Variants in UNC13B observed in about 807,000 individuals in gnomAD.
The protein encoded by UNC13B is unc-13 homolog B.
In UNC13B, 144 loss-of-function variants were observed where a neutral mutation model predicts 211.0. That is an observed-to-expected ratio of 0.68 (90% CI 0.60 to 0.78). The LOEUF is 0.78. Ranked by LOEUF, UNC13B falls within the 30% of genes least tolerant of loss-of-function variation. The probability of loss-of-function intolerance (pLI) is 0.00; values close to 1 mark genes in which losing one functional copy is unlikely to be tolerated. For synonymous variants in UNC13B, 709 were observed against 725.8 expected, an observed-to-expected ratio of 0.98 and a Z score of 0.37; for missense variants, 1,777 against 2,002.0, an observed-to-expected ratio of 0.89 and a Z score of 2.14.
Position 35,309,660 on chromosome 9 carries a change from A to G in UNC13B, c.9009-807A>G, listed in dbSNP as rs149844417. ...GGATATGGGAATACAGGTGATTGAG[A>G]AAAGATTGGCTTGCTGGTCTTCAGA... On this transcript the variant is annotated intron_variant, in intron 9 of 39. Coordinates refer to ENST00000635942, the MANE Select transcript of UNC13B (RefSeq NM_001371189.2). 4.7e-3 allele frequency among the ~76,000 whole-genome samples: 716 copies of G among 152,276 alleles called. 5 individuals are homozygous for G. The highest frequency in any genetic ancestry group is 0.016 in the South Asian group (76 of 4,826).
At chr9:35,238,567 T>C (rs1825639820) in intron 5 of UNC13B, among the ~76,000 whole-genome samples, 2 of 151,590 alleles carry the variant, frequency 1.3e-5, no homozygotes, top group Non-Finnish European at 2.9e-5. Context: ...TTTTTTTTTT[T>C]CCTTTTTTTG....
chr9:35,335,835 C>T (rs1020338447), intron 11 of UNC13B, among the ~76,000 whole-genome samples: 14 of 152,024 alleles, frequency 9.2e-5, no homozygotes, highest in South Asian at 4.2e-4. Context: ...ATTAGAATAG[C>T]TAGGACTACA....
chr9:35,174,999 T>C (rs745964202), intron 1 of UNC13B, among the ~76,000 whole-genome samples: 1 of 151,884 alleles, frequency 6.6e-6, no homozygotes, highest in Non-Finnish European at 1.5e-5. Context: ...GGTTTTGCCA[T>C]GTGGCTGAGG....
chr9:35,206,872 C>CAA (rs35378310), intron 1 of UNC13B, among the ~76,000 whole-genome samples: 31 of 113,092 alleles, frequency 2.7e-4, no homozygotes, highest in African/African-American at 9.7e-4. Context: ...GACTCCATCT[C>CAA]AAAAAAAAAA....
chr9:35,285,656 T>G (rs888578791), intron 7 of UNC13B, among the ~76,000 whole-genome samples: 3 of 152,158 alleles, frequency 2.0e-5, no homozygotes, highest in Non-Finnish European at 4.4e-5. Flanking sequence ...TGAGCCATGA[T>G]TGTCACTGCA....
chr9:35,332,782 G>C (rs191165493), intron 11 of UNC13B, among the ~76,000 whole-genome samples: 3 of 152,206 alleles, frequency 2.0e-5, no homozygotes, highest in African/African-American at 7.2e-5. Flanking sequence ...GGCCAAGTTA[G>C]AGTCTCATCT....
At chr9:35,211,315 T>C (rs1406559347) in intron 1 of UNC13B, among the ~76,000 whole-genome samples, 1 of 152,182 alleles carries the variant, frequency 6.6e-6, no homozygotes, top group Non-Finnish European at 1.5e-5. Context: ...CTTTTGAAAA[T>C]GTAAGTGGTA....
intron 1 of UNC13B, among the ~76,000 whole-genome samples, chr9:35,211,545 A>G (rs1024545581): frequency 3.3e-5 from 5 of 152,206 alleles, no homozygotes; most frequent in Non-Finnish European, 2.9e-5. Context: ...ACTATTGCCA[A>G]ATAGATTACA....
chr9:35,200,444 A>G (rs895061655), intron 1 of UNC13B, among the ~76,000 whole-genome samples: 1 of 152,242 alleles, frequency 6.6e-6, no homozygotes, highest in South Asian at 2.1e-4. Context: ...CCATTTTCAC[A>G]ATATTCATTC....
At chr9:35,255,427 A>G (rs1464836903) in intron 6 of UNC13B, among the ~76,000 whole-genome samples, 1 of 151,916 alleles carries the variant, frequency 6.6e-6, no homozygotes, top group Non-Finnish European at 1.5e-5. Flanking sequence ...GGGGAACTGC[A>G]GAGGAGAAAG....
rs1464729064 is a variant in UNC13B at position 35,303,597 on chromosome 9, CAG to C, written c.4194_4195del (p.Val1399AspfsTer26). 8 of 398,564 alleles carry C rather than the reference CAG, an allele frequency of 2.0e-5. No individual in the cohort carries two copies. The highest frequency in any genetic ancestry group is 3.5e-5 in the Non-Finnish European group (8 of 225,844). 24.7% of individuals were successfully genotyped at this position (398,564 alleles called of 1,614,324 possible). A position where few individuals can be genotyped will look rare whatever the true frequency, so the allele number is the denominator to read the frequency against. On this transcript the variant is annotated frameshift_variant, in exon 9 of 40. Transcript: ENST00000635942. LOFTEE classifies it high-confidence loss of function. Reference sequence around the variant, plus strand: ...TGCTTGTGGCTTGACTCAGAAAACTCAGTGATAAATTTTTGCCAAAAAGATCA... The same window carrying C: ...TGCTTGTGGCTTGACTCAGAAAACTCTGATAAATTTTTGCCAAAAAGATCA...
rs377521199 is a variant in UNC13B at position 35,375,235 on chromosome 9, G to A, written c.9615+34G>A. On this transcript the variant is annotated intron_variant, in intron 14 of 39. Coordinates refer to ENST00000635942, the MANE Select transcript of UNC13B (RefSeq NM_001371189.2). ...CCCAAGTGCTTTCGTAAGTCCACTG[G>A]CCTCAGGACTGGTGATCATCTCTGT... 2.3e-5 allele frequency: 37 copies of A among 1,605,308 alleles called. No individual in the cohort carries two copies. In the African/African-American group the frequency reaches 4.5e-4, roughly 20 times the overall value.
At chr9:35,385,872 G>A (rs1348906289) in intron 23 of UNC13B, 59 bp downstream of exon 23, 32 of 1,564,118 alleles carry the variant, frequency 2.0e-5, no homozygotes, top group South Asian at 2.3e-5. Context: ...ACAGGAACGT[G>A]AAGAATGAGA....
rs1204534677 is a variant in UNC13B, at chr9:35,366,978, A to G, written c.9446A>G (p.Gln3149Arg). 1 of 1,613,950 alleles carries G rather than the reference A, an allele frequency of 6.2e-7. No individual in the cohort carries two copies. The highest frequency in any genetic ancestry group is 8.5e-7 in the Non-Finnish European group (1 of 1,179,850). The change falls in exon 12 of 40, where the codon CAG becomes CGG. Residue 3149 changes from glutamine to arginine, a missense_variant. By Grantham distance (43) the Gln-to-Arg change is conservative. Transcript: ENST00000635942. ...GATGATGGTGACCCCTCTCTGCCTC[A>G]GTGGCTCCCGGAAGGGTAAGTAATT... ...IPDDGDPSLP[Q>R]WLPEGPAGGL...
At chr9:35,347,682 G>A (rs570432891) in intron 11 of UNC13B, among the ~76,000 whole-genome samples, 1 of 152,318 alleles carries the variant, frequency 6.6e-6, no homozygotes, top group Non-Finnish European at 1.5e-5. Context: ...AAGGTGTGGA[G>A]GCTTTTGTTT....
At chr9:35,175,833 A>C (rs1373432450) in intron 1 of UNC13B, among the ~76,000 whole-genome samples, 1 of 145,666 alleles carries the variant, frequency 6.9e-6, no homozygotes, top group Non-Finnish European at 1.5e-5. Flanking sequence ...TCTGGCCAAC[A>C]TGGTGAAACC....
At chr9:35,283,434 C>T (rs1828620089) in intron 7 of UNC13B, among the ~76,000 whole-genome samples, 1 of 152,054 alleles carries the variant, frequency 6.6e-6, no homozygotes, top group South Asian at 2.1e-4. Flanking sequence ...TATATTTCTG[C>T]TGCTGGTACT....
At chr9:35,193,157 C>A (rs1822748448) in intron 1 of UNC13B, among the ~76,000 whole-genome samples, 1 of 152,142 alleles carries the variant, frequency 6.6e-6, no homozygotes, top group African/African-American at 2.4e-5. Flanking sequence ...TTGGGAGAGA[C>A]TATGCGACAG....
rs1829966804 is a variant in UNC13B, at chr9:35,307,216, A to G, written c.7812A>G (p.Gln2604=). 1 of 398,918 alleles carries G rather than the reference A, an allele frequency of 2.5e-6. No homozygotes were observed. Among genetic ancestry groups the G allele is most frequent in the East Asian group, 3.6e-5 (1 of 28,084 alleles). The allele number at this position is 398,918 out of a possible 1,614,324, so 24.7% of individuals were successfully genotyped here. A position where few individuals can be genotyped will look rare whatever the true frequency, so the allele number is the denominator to read the frequency against. Residue 2604 remains glutamine, a synonymous_variant, in exon 9 of 40, where the codon CAA becomes CAG. Coordinates refer to ENST00000635942, the MANE Select transcript of UNC13B (RefSeq NM_001371189.2). ...NNTPENILEP[Q]RSETINTSSF... ...CTCCTGAAAATATTCTGGAACCTCA[A>G]CGTTCTGAAACAATTAATACATCTT... is the stretch of plus-strand genomic sequence containing the variant.
Sources: gnomAD v4.1 joint callset for allele counts (sites outside exome capture counted in the v4.1 genomes callset) on GRCh38, gnomAD v4.1.1 for gene constraint, MANE v1.5 for transcripts, NCBI Gene and HGNC (gene_info 2026-07-23, HGNC 2026-07-21) for gene names.